Variants in FAM222B observed in about 807,000 individuals in gnomAD.
The protein encoded by FAM222B is family with sequence similarity 222 member B.
Under a neutral mutation model 38.0 loss-of-function variants are expected in FAM222B, and 12 were observed. The ratio of observed to expected loss-of-function variants is 0.32; its 90% confidence interval spans 0.20 to 0.51. The LOEUF (loss-of-function observed/expected upper bound fraction) is 0.51, where lower values mean the gene tolerates loss of function less well. Ranked by LOEUF, FAM222B falls within the 20% of genes least tolerant of loss-of-function variation. The pLI is 0.97. For synonymous variants in FAM222B, 329 were observed against 317.2 expected, an observed-to-expected ratio of 1.04 and a Z score of -0.40; for missense variants, 716 against 754.2, an observed-to-expected ratio of 0.95 and a Z score of 0.59.
chr17:28,831,870 T>C (rs1345119376), intron 1 of FAM222B, among the ~76,000 whole-genome samples: 1 of 152,090 alleles, frequency 6.6e-6, no homozygotes, highest in Non-Finnish European at 1.5e-5. Flanking sequence ...AAGTAGGGGT[T>C]AGCTTCCTAG....
intron 1 of FAM222B, among the ~76,000 whole-genome samples, chr17:28,771,994 T>C (rs2035656211): frequency 1.3e-5 from 2 of 152,184 alleles, no homozygotes; most frequent in Admixed American, 1.3e-4. Flanking sequence ...GAGGCGGAGC[T>C]TGCAGTGAGC....
chr17:28,854,950 C>G (rs2039217004), exon 1 of FAM222B: 1 of 1,465,712 alleles, frequency 6.8e-7, no homozygotes, highest in Non-Finnish European at 9.1e-7. Flanking sequence ...GCAGACCTAC[C>G]TCTCTCCTAC....
At chr17:28,796,652 C>G (rs2036951917) in intron 1 of FAM222B, among the ~76,000 whole-genome samples, 2 of 151,594 alleles carry the variant, frequency 1.3e-5, no homozygotes, top group Non-Finnish European at 2.9e-5. Flanking sequence ...CTTCTTTTAA[C>G]AAAATCCTGG....
intron 1 of FAM222B, among the ~76,000 whole-genome samples, chr17:28,838,047 T>C (rs1014320447): frequency 6.7e-6 from 1 of 148,558 alleles, no homozygotes; most frequent in African/African-American, 2.5e-5. Flanking sequence ...GGGTGGAACA[T>C]TTGAGGTCAG....
intron 1 of FAM222B, among the ~76,000 whole-genome samples, chr17:28,809,513 A>G (rs953391063): frequency 5.3e-5 from 8 of 152,184 alleles, no homozygotes; most frequent in Admixed American, 4.6e-4. Flanking sequence ...CTTGCAGATG[A>G]CCAAATTCCA....
rs1315840690 is a variant in FAM222B at position 28,759,198 on chromosome 17, G to C, written c.761C>G (p.Ala254Gly). Residue 254 changes from alanine to glycine, a missense_variant, in exon 3 of 3, where the codon GCG becomes GGG. Ala to Gly is a moderately conservative substitution (Grantham distance 60). Coordinates refer to ENST00000581407, the MANE Select transcript of FAM222B (RefSeq NM_001077498.3). The surrounding 1 kb of genome is among the most constrained non-coding windows in gnomAD (Gnocchi z 4.8). ...VSTSTIPLSM[A>G]ATLQHSQPPD... Reference sequence around the variant, plus strand: ...AGGCTGGCTGTGCTGCAGAGTGGCCGCCATTGAAAGGGGGATAGTTGAGGT... The same window carrying C: ...AGGCTGGCTGTGCTGCAGAGTGGCCCCCATTGAAAGGGGGATAGTTGAGGT... The C allele has an allele frequency of 6.2e-7, 1 of 1,613,448 alleles. No homozygotes were observed. The highest frequency in any genetic ancestry group is 8.5e-7 in the Non-Finnish European group (1 of 1,179,720).
intron 1 of FAM222B, among the ~76,000 whole-genome samples, chr17:28,853,950 T>C (rs1248351449): frequency 6.7e-6 from 1 of 149,142 alleles, no homozygotes; most frequent in African/African-American, 2.5e-5. Context: ...TCTTTTTTTT[T>C]TTTTTTTTTT....
intron 1 of FAM222B, among the ~76,000 whole-genome samples, chr17:28,785,979 G>A (rs2036393946): frequency 6.6e-6 from 1 of 151,940 alleles, no homozygotes; most frequent in Admixed American, 6.6e-5. Context: ...GATTACAGGT[G>A]TGAGGCACCA....
At chr17:28,827,024 A>G (rs2038465372) in intron 1 of FAM222B, among the ~76,000 whole-genome samples, 1 of 151,890 alleles carries the variant, frequency 6.6e-6, no homozygotes, top group African/African-American at 2.4e-5. Context: ...GCTAGTGTCT[A>G]TTGTCCTAGC....
At chr17:28,838,736 A>G (rs1048784035) in intron 1 of FAM222B, among the ~76,000 whole-genome samples, 1 of 151,052 alleles carries the variant, frequency 6.6e-6, no homozygotes, top group Admixed American at 6.6e-5. Flanking sequence ...GTGAAACGTC[A>G]TCTCTACTAA....
chr17:28,768,914 T>G (rs928215564), intron 1 of FAM222B, among the ~76,000 whole-genome samples: 1 of 150,844 alleles, frequency 6.6e-6, no homozygotes, highest in Non-Finnish European at 1.5e-5. Flanking sequence ...ACTTCTCCCT[T>G]AAGACCCTAA....
chr17:28,759,805 C>A lies in FAM222B; in HGVS notation c.154G>T (p.Val52Phe), dbSNP rs377722416. 2 of 1,606,052 alleles carry A rather than the reference C, an allele frequency of 1.2e-6. No individual in the cohort carries two copies. The highest frequency in any genetic ancestry group is 1.7e-6 in the Non-Finnish European group (2 of 1,176,270). ...TTTATAGTCAGTGGGTTGTTTGCGA[C>A]CTTCTTAGCATACGCATCCAATTCG... ...PAELDAYAKK[V>F]ANNPLTIKIF... Residue 52 changes from valine (V) to phenylalanine (F), a missense_variant, in exon 3 of 3, where the codon GTC becomes TTC. By Grantham distance (50) the Val-to-Phe change is conservative (BLOSUM62 -1). Transcript: ENST00000581407. This position sits in a 1 kb window ranked among gnomAD's most constrained non-coding sequence, Gnocchi z 4.8.
intron 1 of FAM222B, among the ~76,000 whole-genome samples, chr17:28,808,815 TCA>T (rs2037610029): frequency 6.6e-6 from 1 of 152,240 alleles, no homozygotes; most frequent in South Asian, 2.1e-4. Flanking sequence ...CAGAGCATTC[TCA>T]GAGTCTCCTG....
intron 1 of FAM222B, among the ~76,000 whole-genome samples, chr17:28,772,690 T>C (rs2035694311): frequency 6.6e-6 from 1 of 150,464 alleles, no homozygotes; most frequent in East Asian, 2.0e-4. Context: ...AGGTCAGGAG[T>C]TCGAGACCAG....
intron 1 of FAM222B, among the ~76,000 whole-genome samples, chr17:28,770,014 A>T (rs1424419994): frequency 6.6e-6 from 1 of 152,090 alleles, no homozygotes; most frequent in Admixed American, 6.6e-5. Context: ...TTTAAAATCT[A>T]TCCTGAGACC....
At chr17:28,796,765 A>G (rs2036958349) in intron 1 of FAM222B, among the ~76,000 whole-genome samples, 1 of 152,112 alleles carries the variant, frequency 6.6e-6, no homozygotes, top group South Asian at 2.1e-4. Flanking sequence ...CACCTTTCAG[A>G]ATAATTGTGA....
At chr17:28,844,636 C>T (rs1386918432), upstream of FAM222B, among the ~76,000 whole-genome samples, 2 of 151,536 alleles carry the variant, frequency 1.3e-5, no homozygotes, top group African/African-American at 2.4e-5. Flanking sequence ...CCAGCCTGGG[C>T]GACAGAGCGA....
At chr17:28,789,198 T>C (rs1597921408) in intron 1 of FAM222B, among the ~76,000 whole-genome samples, 1 of 147,844 alleles carries the variant, frequency 6.8e-6, no homozygotes, top group East Asian at 2.0e-4. Context: ...TCATTCTGTG[T>C]CCTTTTTTTT....
chr17:28,788,742 A>T (rs2151862920), intron 1 of FAM222B, among the ~76,000 whole-genome samples: 1 of 151,776 alleles, frequency 6.6e-6, no homozygotes, highest in East Asian at 1.9e-4. Flanking sequence ...TTTTAAAATT[A>T]ATTTACTTTT....
Sources: gnomAD v4.1 joint callset for allele counts (sites outside exome capture counted in the v4.1 genomes callset) on GRCh38, gnomAD v4.1.1 for gene constraint, Gnocchi (gnomAD v3.1) non-coding constraint, MANE v1.5 for transcripts, NCBI Gene and HGNC (gene_info 2026-07-23, HGNC 2026-07-21) for gene names.